The following SORCS1 variants were observed in gnomAD, a reference collection of about 807,000 sequenced individuals.
The protein encoded by SORCS1 is VPS10 domain-containing receptor SorCS1.
Under a neutral mutation model 146.1 loss-of-function variants are expected in SORCS1, and 60 were observed. The ratio of observed to expected loss-of-function variants is 0.41; its 90% CI spans 0.33 to 0.51. SORCS1 has a LOEUF of 0.51. SORCS1 is among the 20% of genes least tolerant of loss of function. SORCS1 has a pLI of 0.21. For missense variants in SORCS1, 1,352 were observed against 1,487.6 expected (o/e 0.91, Z 1.50); for synonymous variants, 637 against 584.0 (o/e 1.09, Z -1.31).
intron 1 of SORCS1, among the ~76,000 whole-genome samples, chr10:107,063,141 A>G (rs986059568): frequency 6.6e-6 from 1 of 152,216 alleles, no homozygotes; most frequent in African/African-American, 2.4e-5. Context: ...CATCTGTAAA[A>G]TATGCATCAA....
chr10:106,635,519 G>T (rs942233684), intron 18 of SORCS1, among the ~76,000 whole-genome samples: 10 of 152,160 alleles, frequency 6.6e-5, no homozygotes, highest in Non-Finnish European at 1.3e-4. Context: ...TGATTACCCT[G>T]GGAGTGGAGT....
chr10:106,668,231 G>C (rs1250610604), intron 16 of SORCS1, among the ~76,000 whole-genome samples: 1 of 152,112 alleles, frequency 6.6e-6, no homozygotes. Context: ...GATGTCTTTG[G>C]GATGCTCTTC....
At chr10:106,632,584 A>G (rs1848501004) in intron 18 of SORCS1, among the ~76,000 whole-genome samples, 1 of 152,236 alleles carries the variant, frequency 6.6e-6, no homozygotes, top group African/African-American at 2.4e-5. Flanking sequence ...CAACAGTCAG[A>G]TATTTATTGA....
intron 4 of SORCS1, among the ~76,000 whole-genome samples, chr10:106,762,481 C>T (rs1859205620): frequency 6.9e-6 from 1 of 144,176 alleles, no homozygotes; most frequent in African/African-American, 2.6e-5. Context: ...CAAGCTCTGC[C>T]TCCCGGGTTC....
At chr10:106,973,637 T>C (rs1955880368) in intron 1 of SORCS1, among the ~76,000 whole-genome samples, 1 of 152,214 alleles carries the variant, frequency 6.6e-6, no homozygotes, top group Non-Finnish European at 1.5e-5. Context: ...AAATCTATTT[T>C]CTTGAAAATT....
intron 5 of SORCS1, among the ~76,000 whole-genome samples, chr10:106,742,400 G>A (rs1014891428): frequency 6.6e-6 from 1 of 151,540 alleles, no homozygotes; most frequent in East Asian, 1.9e-4. Context: ...TTTTTTTTGA[G>A]ATGGAGTCTA....
At position 107,162,445 on chromosome 10, in the gene SORCS1, A is replaced by G. The variant is rs532279775; in HGVS notation, c.558+1524T>C. Among the ~76,000 whole-genome samples, 3 of 152,342 alleles carry G rather than the reference A, an allele frequency of 2.0e-5. No individual in the cohort carries two copies. In the South Asian group the frequency reaches 6.2e-4, roughly 32 times the overall value. ...TTTTAGTGGCTATGATATGAAAGATATAATGGTTAAGGTAAGGAATGAGGG... is the reference window on the plus strand; with the variant it reads ...TTTTAGTGGCTATGATATGAAAGATGTAATGGTTAAGGTAAGGAATGAGGG... On this transcript the variant is annotated intron_variant, in intron 1 of 25. Coordinates refer to ENST00000263054, the MANE Select transcript of SORCS1 (RefSeq NM_052918.5).
chr10:106,760,204 G>A (rs752759539), intron 5 of SORCS1, among the ~76,000 whole-genome samples: 1 of 152,076 alleles, frequency 6.6e-6, no homozygotes, highest in Non-Finnish European at 1.5e-5. Context: ...CAGCACTTTG[G>A]GAGGCCGAGG....
intron 1 of SORCS1, among the ~76,000 whole-genome samples, chr10:106,958,046 G>A (rs994330609): frequency 2.1e-4 from 32 of 152,168 alleles, no homozygotes; most frequent in African/African-American, 5.6e-4. Flanking sequence ...CAGCTGCTCC[G>A]GAAGACAGCT....
intron 1 of SORCS1, among the ~76,000 whole-genome samples, chr10:107,112,194 A>G (rs1020627216): frequency 6.6e-6 from 1 of 152,132 alleles, no homozygotes; most frequent in African/African-American, 2.4e-5. Context: ...ATAATTTGTT[A>G]ATGAACACAC....
chr10:107,105,888 G>A (rs1965271635), intron 1 of SORCS1, among the ~76,000 whole-genome samples: 1 of 152,116 alleles, frequency 6.6e-6, no homozygotes, highest in African/African-American at 2.4e-5. Context: ...AAGTTCTTGT[G>A]GTAGGTCTGA....
intron 5 of SORCS1, among the ~76,000 whole-genome samples, chr10:106,760,633 G>A (rs1859022386): frequency 6.6e-6 from 1 of 151,642 alleles, no homozygotes; most frequent in Admixed American, 6.6e-5. Flanking sequence ...CGTTGTTTAA[G>A]CCACCCAGTC....
chr10:106,702,366 C>T (rs919383043), intron 8 of SORCS1, among the ~76,000 whole-genome samples: 3 of 152,202 alleles, frequency 2.0e-5, no homozygotes, highest in Non-Finnish European at 2.9e-5. Context: ...AGCTAATTCC[C>T]ACTTCTGTGA....
chr10:107,017,219 T>G (rs1027527978), intron 1 of SORCS1, among the ~76,000 whole-genome samples: 11 of 152,250 alleles, frequency 7.2e-5, no homozygotes, highest in African/African-American at 2.7e-4. Flanking sequence ...CAGCACTATT[T>G]GTAGCAACTA....
At chr10:107,041,293 T>G (rs1012293974) in intron 1 of SORCS1, among the ~76,000 whole-genome samples, 2 of 152,090 alleles carry the variant, frequency 1.3e-5, no homozygotes, top group African/African-American at 4.8e-5. Flanking sequence ...AGTTAAGCAT[T>G]TGATGATGTT....
chr10:106,954,962 C>A (rs1264831400), intron 2 of SORCS1, among the ~76,000 whole-genome samples: 2 of 152,260 alleles, frequency 1.3e-5, no homozygotes, highest in African/African-American at 4.8e-5. Context: ...AGCTGTAATA[C>A]TGTAGCCTTC....
At chr10:107,129,453 C>T (rs994742275) in intron 1 of SORCS1, among the ~76,000 whole-genome samples, 5 of 152,182 alleles carry the variant, frequency 3.3e-5, no homozygotes, top group African/African-American at 9.7e-5. Flanking sequence ...AAAGAATGTT[C>T]AAATAACTCT....
intron 2 of SORCS1, among the ~76,000 whole-genome samples, chr10:106,905,673 A>G (rs1951880181): frequency 6.6e-6 from 1 of 152,212 alleles, no homozygotes; most frequent in Non-Finnish European, 1.5e-5. Context: ...CTGTTTTTCC[A>G]ATACTACATC....
chr10:106,650,827 C>T (rs11192998), intron 18 of SORCS1, among the ~76,000 whole-genome samples: 36,338 of 152,030 alleles, frequency 0.24, 5,342 homozygotes, highest in East Asian at 0.52. Flanking sequence ...CTCAATCCTC[C>T]TGATAGTTCT....
Sources: gnomAD v4.1 joint callset for allele counts (sites outside exome capture counted in the v4.1 genomes callset) on GRCh38, gnomAD v4.1.1 for gene constraint, MANE v1.5 for transcripts, NCBI Gene and HGNC (gene_info 2026-07-23, HGNC 2026-07-21) for gene names.